The following DPH6 variants were observed in gnomAD, a reference collection of about 807,000 sequenced individuals.
DPH6 encodes the protein diphthine--ammonia ligase.
DPH6 carries 33 observed loss-of-function variants against 38.2 expected under a neutral mutation model. That is an observed-to-expected ratio of 0.86 (90% CI 0.65 to 1.15). The LOEUF is 1.15. Ranked by LOEUF, DPH6 falls within the 50% of genes most tolerant of loss-of-function variation. The probability of loss-of-function intolerance (pLI) is 0.00; values close to 1 mark genes in which losing one functional copy is unlikely to be tolerated. For missense variants in DPH6, 325 were observed against 320.0 expected (o/e 1.02, Z -0.12); for synonymous variants, 108 against 103.0 (o/e 1.05, Z -0.30).
intron 3 of DPH6, among the ~76,000 whole-genome samples, chr15:35,287,240 G>A (rs1595461880): frequency 6.6e-6 from 1 of 152,048 alleles, no homozygotes; most frequent in Non-Finnish European, 1.5e-5. Context: ...GCACCACAAA[G>A]CACTTATTAT....
chr15:35,253,981 C>T (rs553218084), intron 3 of DPH6, among the ~76,000 whole-genome samples: 7 of 152,152 alleles, frequency 4.6e-5, no homozygotes, highest in Non-Finnish European at 8.8e-5. Flanking sequence ...AAAGAATTTA[C>T]GTTTTGAATA....
intron 3 of DPH6, among the ~76,000 whole-genome samples, chr15:35,312,010 G>GAAAAAAAAAAAAA (rs10573455): frequency 9.8e-6 from 1 of 102,142 alleles, no homozygotes; most frequent in Non-Finnish European, 1.9e-5. Context: ...TTAAGAAAAT[G>GAAAAAAAAAAAAA]AAAAAAAAAA....
chr15:35,187,293 C>T, the DPH6 span, among the ~76,000 whole-genome samples: 6 of 152,130 alleles, frequency 3.9e-5, no homozygotes, highest in East Asian at 7.7e-4. Flanking sequence ...GATACATAAA[C>T]CTAGTCTAAA....
chr15:35,200,578 T>G, the DPH6 span, among the ~76,000 whole-genome samples: 1 of 152,096 alleles, frequency 6.6e-6, no homozygotes, highest in Non-Finnish European at 1.5e-5. Flanking sequence ...TTAGGCATTG[T>G]GCTAGGTGCT....
At chr15:35,533,742 A>G (rs2055123916) in intron 3 of DPH6, among the ~76,000 whole-genome samples, 1 of 151,570 alleles carries the variant, frequency 6.6e-6, no homozygotes, top group African/African-American at 2.4e-5. Context: ...ATAATAATAA[A>G]CAGAAGGAAA....
intron 6 of DPH6, among the ~76,000 whole-genome samples, chr15:35,398,184 T>C (rs2053170814): frequency 6.6e-6 from 1 of 152,142 alleles, no homozygotes; most frequent in South Asian, 2.1e-4. Flanking sequence ...CATTTGGTCT[T>C]TGACCCCAGT....
chr15:35,351,047 C>T (rs1001779170), intron 3 of DPH6, among the ~76,000 whole-genome samples: 2 of 152,202 alleles, frequency 1.3e-5, no homozygotes, highest in African/African-American at 4.8e-5. Flanking sequence ...TATTGTGTTA[C>T]TATCTAATTA....
the DPH6 span, among the ~76,000 whole-genome samples, chr15:35,167,296 A>T: frequency 6.6e-6 from 1 of 152,054 alleles, no homozygotes; most frequent in Non-Finnish European, 1.5e-5. Flanking sequence ...ACACTTTCAC[A>T]TAGATTATCT....
chr15:35,311,370 A>G (rs970028581), intron 3 of DPH6, among the ~76,000 whole-genome samples: 2 of 152,214 alleles, frequency 1.3e-5, no homozygotes, highest in African/African-American at 2.4e-5. Context: ...GTGGTTATAC[A>G]GTACCATCTT....
At chr15:35,455,367 A>C (rs1210912046) in intron 3 of DPH6, among the ~76,000 whole-genome samples, 1 of 152,152 alleles carries the variant, frequency 6.6e-6, no homozygotes, top group East Asian at 1.9e-4. Flanking sequence ...GAAGGAAGCA[A>C]TGAATTATTA....
chr15:35,241,634 G>A lies in DPH6; in HGVS notation n.201-21052C>T, dbSNP rs1055054983. ...CTTCCCAATCCAAAGCCTCCTTTGC[G>A]TCCTCCTCTTGTATTCCCCCACCTT... On this transcript the variant is annotated intron_variant and non_coding_transcript_variant, in intron 3 of 3. Coordinates refer to the DPH6 transcript ENST00000560386. Among the ~76,000 whole-genome samples, 7 of 141,490 alleles carry A rather than the reference G, an allele frequency of 4.9e-5. 2 individuals are homozygous for A. Among genetic ancestry groups the A allele is most frequent in the East Asian group, 4.4e-4 (2 of 4,504 alleles). 92.8% of individuals were successfully genotyped at this position (141,490 alleles called of 152,430 possible). A position where few individuals can be genotyped will look rare whatever the true frequency, so the allele number is the denominator to read the frequency against.
At chr15:35,148,229 AAAGTT>A in the DPH6 span, among the ~76,000 whole-genome samples, 1 of 152,230 alleles carries the variant, frequency 6.6e-6, no homozygotes, top group Non-Finnish European at 1.5e-5. Flanking sequence ...AGTTAACAGT[AAAGTT>A]ATTTCATTTT....
At chr15:35,513,683 A>G (rs1289557097) in intron 3 of DPH6, among the ~76,000 whole-genome samples, 13 of 151,974 alleles carry the variant, frequency 8.6e-5, no homozygotes, top group South Asian at 2.1e-4. Flanking sequence ...ACTTTATCAA[A>G]TCATAACAAA....
rs115357394 is a variant in DPH6, at chr15:35,470,835, C to A, written c.313-16015G>T. Among the ~76,000 whole-genome samples the A allele has an allele frequency of 7.8e-3, 1,192 of 152,230 alleles. 29 individuals are homozygous for A. The highest frequency in any genetic ancestry group is 0.027 in the African/African-American group (1,137 of 41,530). ...TCTTTAATTATACATACTAACTGTA[C>A]TTTTTAAAGAAAAACTTTTTAAAAA... On this transcript the variant is annotated intron_variant, in intron 3 of 8. Coordinates refer to ENST00000256538, the MANE Select transcript of DPH6 (RefSeq NM_080650.4).
intron 3 of DPH6, among the ~76,000 whole-genome samples, chr15:35,459,194 T>A (rs1350299297): frequency 6.6e-6 from 1 of 152,110 alleles, no homozygotes; most frequent in African/African-American, 2.4e-5. Flanking sequence ...AGGCCAGAAG[T>A]CTAAGCTCAA....
intron 3 of DPH6, among the ~76,000 whole-genome samples, chr15:35,234,814 G>A (rs1048633047): frequency 6.6e-6 from 1 of 152,204 alleles, no homozygotes; most frequent in African/African-American, 2.4e-5. Flanking sequence ...TTGGTGCTTG[G>A]TGGTATGGGT....
At chr15:35,345,907 G>A (rs547709877) in intron 3 of DPH6, among the ~76,000 whole-genome samples, 4 of 152,028 alleles carry the variant, frequency 2.6e-5, no homozygotes, top group East Asian at 1.9e-4. Flanking sequence ...GCCCTACAGG[G>A]TGATAAAATT....
At chr15:35,181,324 G>C in the DPH6 span, among the ~76,000 whole-genome samples, 1 of 151,654 alleles carries the variant, frequency 6.6e-6, no homozygotes. Context: ...CCCTCTGGAA[G>C]CTTCAGCAAA....
chr15:35,439,471 C>T (rs1012813823), intron 5 of DPH6, among the ~76,000 whole-genome samples: 1 of 152,184 alleles, frequency 6.6e-6, no homozygotes, highest in African/African-American at 2.4e-5. Context: ...CAATAAGAAT[C>T]CATTTTCTCT....
Sources: gnomAD v4.1 joint callset for allele counts (sites outside exome capture counted in the v4.1 genomes callset) on GRCh38, gnomAD v4.1.1 for gene constraint, MANE v1.5 for transcripts, NCBI Gene and HGNC (gene_info 2026-07-23, HGNC 2026-07-21) for gene names.